The following SLC7A2 variants were observed in gnomAD, a reference collection of about 807,000 sequenced individuals.
SLC7A2 encodes the protein solute carrier family 7 member 2.
In SLC7A2, 48 loss-of-function variants were observed where a neutral mutation model predicts 58.9. The observed-to-expected ratio is 0.82, with a 90% confidence interval of 0.65 to 1.04. The LOEUF is 1.04. Among genes scored for constraint, SLC7A2 ranks in the 50% least tolerant of loss-of-function variants. SLC7A2 has a pLI of 0.00. For missense variants in SLC7A2, 1,029 were observed against 818.8 expected, an observed-to-expected ratio of 1.26 and a Z score of -3.13; for synonymous variants, 363 against 314.5, an observed-to-expected ratio of 1.15 and a Z score of -1.63.
intron 2 of SLC7A2, among the ~76,000 whole-genome samples, chr8:17,502,644 T>C (rs1343524680): frequency 6.6e-6 from 1 of 152,174 alleles, no homozygotes; most frequent in African/African-American, 2.4e-5. Flanking sequence ...TAATCATTCC[T>C]GAGAGGTTGG....
intron 2 of SLC7A2, among the ~76,000 whole-genome samples, chr8:17,529,531 TG>T (rs1222662100): frequency 3.4e-5 from 4 of 117,116 alleles, no homozygotes; most frequent in Non-Finnish European, 5.7e-5. Flanking sequence ...TTTGTTTTTT[TG>T]TTTTTTTTTT....
chr8:17,561,855 C>A, intron 10 of SLC7A2, 89 bp from the exon 11 acceptor site: 1 of 1,241,408 alleles, frequency 8.1e-7, no homozygotes, highest in Non-Finnish European at 1.1e-6. Context: ...GTACAGAAGT[C>A]AGTGTTTTAT....
At chr8:17,545,363 C>G (rs1258372811) in intron 4 of SLC7A2, among the ~76,000 whole-genome samples, 1 of 149,000 alleles carries the variant, frequency 6.7e-6, no homozygotes, top group African/African-American at 2.5e-5. Flanking sequence ...CTAATCCCTG[C>G]TCTGTCTCCT....
chr8:17,550,501 G>A, intron 6 of SLC7A2, 67 bp downstream of exon 6: 1 of 1,462,980 alleles, frequency 6.8e-7, no homozygotes, highest in Non-Finnish European at 9.3e-7. Context: ...CCCGTGTGTG[G>A]TAGCAGAGGG....
intron 1 of SLC7A2, chr8:17,498,580 G>C (rs576215843): frequency 1.3e-5 from 2 of 152,284 alleles, no homozygotes; most frequent in South Asian, 4.1e-4. Flanking sequence ...GTTGCTAGTT[G>C]CCTGCTCTGG....
intron 2 of SLC7A2, among the ~76,000 whole-genome samples, chr8:17,540,545 C>G (rs190131889): frequency 1.3e-5 from 2 of 152,168 alleles, no homozygotes; most frequent in African/African-American, 2.4e-5. Flanking sequence ...CAGTAGAAAT[C>G]ATATCTTATG....
At chr8:17,547,785 A>AGAGTGTGTGTGTGTGT (rs1802244356) in intron 4 of SLC7A2, among the ~76,000 whole-genome samples, 1 of 144,710 alleles carries the variant, frequency 6.9e-6, no homozygotes, top group Non-Finnish European at 1.5e-5. Context: ...GGCACAAAAG[A>AGAGTGTGTGTGTGTGT]GTGTGTGTGT....
rs1239065474 is a variant in SLC7A2, at chr8:17,551,976, T to C, written c.1045T>C (p.Leu349=). The C allele has an allele frequency of 1.9e-6, 3 of 1,613,782 alleles. No individual in the cohort carries two copies. The highest frequency in any genetic ancestry group is 3.3e-5 in the Admixed American group (2 of 59,984). ...YVVAAGSLCA[L]STSLLGSIFP... ...CGTCGCAGCTGGTTCTCTCTGCGCC[T>C]TGTCAACAAGGTACATTGCATCGCC... Residue 349 remains leucine, a synonymous_variant, in exon 7 of 13, where the codon TTG becomes CTG. Transcript: ENST00000494857.
chr8:17,508,948 T>G (rs900508449), intron 2 of SLC7A2, among the ~76,000 whole-genome samples: 1 of 152,198 alleles, frequency 6.6e-6, no homozygotes, highest in Non-Finnish European at 1.5e-5. Flanking sequence ...AGTTGATTGA[T>G]CGTTGCCGCC....
intron 11 of SLC7A2, among the ~76,000 whole-genome samples, chr8:17,562,793 T>C (rs1803082480): frequency 6.6e-6 from 1 of 152,202 alleles, no homozygotes; most frequent in Admixed American, 6.5e-5. Flanking sequence ...AGGGTGAGTA[T>C]TTTGTTTTTA....
At position 17,543,318 on chromosome 8, in the gene SLC7A2, G is replaced by A. The variant is rs1050795904; in HGVS notation, c.-22G>A. The A allele has an allele frequency of 2.5e-6, 4 of 1,597,786 alleles. No homozygotes were observed. In the Admixed American group the frequency reaches 5.2e-5, roughly 21 times the overall value. ...TTCTAACCTCCTCCCTTCTGCTCAG[G>A]TCGCCTTCGTCAGACGTCAGAATGA... On this transcript the variant is annotated splice_region_variant and 5_prime_UTR_variant, in exon 3 of 13. Coordinates refer to ENST00000494857, the MANE Select transcript of SLC7A2 (RefSeq NM_001370338.1).
At chr8:17,545,369 C>CTCCTTATA (rs1157674043) in intron 4 of SLC7A2, among the ~76,000 whole-genome samples, 12 of 145,776 alleles carry the variant, frequency 8.2e-5, no homozygotes, top group Non-Finnish European at 1.6e-4. Context: ...CCTGCTCTGT[C>CTCCTTATA]TCCTTATATT....
intron 2 of SLC7A2, among the ~76,000 whole-genome samples, chr8:17,542,691 A>C (rs1256660367): frequency 6.6e-6 from 1 of 151,844 alleles, no homozygotes; most frequent in Non-Finnish European, 1.5e-5. Context: ...TGGATGGTTG[A>C]AGTAAAGAGA....
chr8:17,522,846 G>A (rs1419279314), intron 2 of SLC7A2, among the ~76,000 whole-genome samples: 1 of 151,882 alleles, frequency 6.6e-6, no homozygotes, highest in East Asian at 1.9e-4. Flanking sequence ...GACCAGCCTG[G>A]GCAACACAGT....
chr8:17,559,528 T>C (rs181828558), intron 9 of SLC7A2, among the ~76,000 whole-genome samples: 27 of 152,052 alleles, frequency 1.8e-4, no homozygotes, highest in Non-Finnish European at 2.6e-4. Flanking sequence ...ATCACGCCAC[T>C]GGACTCCAGC....
At chr8:17,560,645 A>G in intron 10 of SLC7A2, 112 bp downstream of exon 10, 1 of 850,688 alleles carries the variant, frequency 1.2e-6, no homozygotes, top group Admixed American at 2.1e-5. Context: ...ATATATTAGC[A>G]ACCACCCTGA....
chr8:17,506,444 G>T (rs1163894275), intron 2 of SLC7A2, among the ~76,000 whole-genome samples: 1 of 152,196 alleles, frequency 6.6e-6, no homozygotes, highest in East Asian at 1.9e-4. Context: ...AAACTTCACA[G>T]TACATTTAAA....
At chr8:17,538,789 A>G in intron 2 of SLC7A2, 1 of 1,613,054 alleles carries the variant, frequency 6.2e-7, no homozygotes, top group South Asian at 1.1e-5. Context: ...CCAAAACAGA[A>G]AGAGCAGATG....
At position 17,543,704 on chromosome 8, in the gene SLC7A2, C is replaced by G; in HGVS notation, c.365C>G (p.Ser122Trp). 6.6e-7 allele frequency: 1 copy of G among 1,517,382 alleles called. No individual in the cohort carries two copies. 94.0% of individuals were successfully genotyped at this position (1,517,382 alleles called of 1,614,324 possible). A position where few individuals can be genotyped will look rare whatever the true frequency, so the allele number is the denominator to read the frequency against. Residue 122 changes from serine (S) to tryptophan (W), a missense_variant, in exon 3 of 13, where the codon TCG (serine) becomes TGG (tryptophan). Physicochemically the swap from Ser to Trp is radical, Grantham distance 177. Coordinates refer to ENST00000494857, the MANE Select transcript of SLC7A2 (RefSeq NM_001370338.1). ...ATCACTGGCTGGAATCTCATTTTAT[C>G]GTATGTGATAGGTATGTTTCAAAAA... ...AFITGWNLIL[S>W]YVIGTSSVAR... is the part of the protein sequence containing the mutation.
Sources: gnomAD v4.1 joint callset for allele counts (sites outside exome capture counted in the v4.1 genomes callset) on GRCh38, gnomAD v4.1.1 for gene constraint, MANE v1.5 for transcripts, NCBI Gene and HGNC (gene_info 2026-07-23, HGNC 2026-07-21) for gene names.